Variants in KSR1 observed in about 807,000 individuals in gnomAD.
KSR1 encodes kinase suppressor of ras.
A neutral mutation model predicts 92.9 loss-of-function variants in KSR1; 35 were observed. That is an observed-to-expected ratio of 0.38 (90% CI 0.29 to 0.50). The LOEUF is 0.50. Among genes scored for constraint, KSR1 ranks in the 20% least tolerant of loss-of-function variants. The pLI is 0.94. For missense variants in KSR1, 972 were observed against 1,158.5 expected (o/e 0.84, Z 2.34); for synonymous variants, 467 against 472.6 (o/e 0.99, Z 0.15).
Position 27,623,841 on chromosome 17 carries a change from T to C in KSR1, c.*449T>C. 1 of 502,756 alleles carries C rather than the reference T, an allele frequency of 2.0e-6. No individual in the cohort carries two copies. Among genetic ancestry groups the C allele is most frequent in the East Asian group, 3.4e-5 (1 of 29,104 alleles). The allele number at this position is 502,756 out of a possible 1,614,324, so 31.1% of individuals were successfully genotyped here. ...GGTAGGGCGGGGAGCCCAGAAGGTC[T>C]GATCTGGCCTCTGCTTTTTGGCCCA... is the stretch of plus-strand genomic sequence containing the variant. On this transcript the variant is annotated 3_prime_UTR_variant, in exon 21 of 21. Coordinates refer to ENST00000644974, the MANE Select transcript of KSR1 (RefSeq NM_001394583.1).
At chr17:27,553,463 G>T (rs528999374) in intron 2 of KSR1, among the ~76,000 whole-genome samples, 2 of 152,286 alleles carry the variant, frequency 1.3e-5, no homozygotes, top group African/African-American at 4.8e-5. Flanking sequence ...ACAGAGCTGG[G>T]CCAAGTGTCC....
At chr17:27,502,521 T>C (rs932419555) in intron 1 of KSR1, among the ~76,000 whole-genome samples, 1 of 152,226 alleles carries the variant, frequency 6.6e-6, no homozygotes, top group African/African-American at 2.4e-5. Flanking sequence ...TCTCCTTCCA[T>C]TCTCTAGCCC....
At chr17:27,527,812 CAT>C (rs1300578705) in intron 1 of KSR1, among the ~76,000 whole-genome samples, 1 of 152,186 alleles carries the variant, frequency 6.6e-6, no homozygotes, top group Non-Finnish European at 1.5e-5. Context: ...CACAAATTTT[CAT>C]AGTTTCTTGA....
intron 1 of KSR1, among the ~76,000 whole-genome samples, chr17:27,463,680 A>G (rs2019553497): frequency 6.6e-6 from 1 of 152,110 alleles, no homozygotes; most frequent in Non-Finnish European, 1.5e-5. Context: ...TTGCTCCAAG[A>G]TAGCGGAGGG....
At chr17:27,607,845 GC>G in intron 14 of KSR1, 68 bp from the exon 15 acceptor site, 1 of 1,136,926 alleles carries the variant, frequency 8.8e-7, no homozygotes, top group Non-Finnish European at 1.3e-6. Context: ...CTCCCCATGG[GC>G]TCCACCAGGG....
At chr17:27,617,597 A>T in intron 19 of KSR1, 169 bp downstream of exon 19, 1 of 703,638 alleles carries the variant, frequency 1.4e-6, no homozygotes, top group Admixed American at 2.9e-5. Context: ...GCACGATCTC[A>T]GCTCACTGCA....
chr17:27,523,200 T>C (rs2070112668), intron 1 of KSR1, among the ~76,000 whole-genome samples: 1 of 152,126 alleles, frequency 6.6e-6, no homozygotes, highest in Non-Finnish European at 1.5e-5. Context: ...TTGGTGATGA[T>C]GAAAAACTAG....
At chr17:27,578,791 C>G (rs1039663069) in intron 3 of KSR1, 2 of 152,268 alleles carry the variant, frequency 1.3e-5, no homozygotes, top group Non-Finnish European at 2.9e-5. Context: ...GTCTACCTGT[C>G]CTAGATGCCA....
At chr17:27,463,753 T>A (rs1222072517) in intron 1 of KSR1, among the ~76,000 whole-genome samples, 1 of 152,234 alleles carries the variant, frequency 6.6e-6, no homozygotes, top group Non-Finnish European at 1.5e-5. Flanking sequence ...CATAATCATA[T>A]GGTGAGGTCT....
At chr17:27,550,485 G>A in intron 1 of KSR1, 83 bp from the exon 2 acceptor site, 1 of 727,942 alleles carries the variant, frequency 1.4e-6, no homozygotes, top group East Asian at 2.5e-5. Flanking sequence ...GTGTCTGCCT[G>A]AGCTCCTCTG....
At chr17:27,569,432 G>A (rs1011872969) in intron 2 of KSR1, among the ~76,000 whole-genome samples, 3 of 152,246 alleles carry the variant, frequency 2.0e-5, no homozygotes, top group Non-Finnish European at 4.4e-5. Context: ...GGGGTTAGGT[G>A]GGGAGGTGGG....
chr17:27,620,556 A>G (rs1462340067), intron 19 of KSR1, among the ~76,000 whole-genome samples: 1 of 152,164 alleles, frequency 6.6e-6, no homozygotes. Flanking sequence ...TAAAGCCCAG[A>G]TGGGGGCCTC....
At position 27,559,553 on chromosome 17, in the gene KSR1, G is replaced by C. The variant is rs920510501; in HGVS notation, c.372+8845G>C. Reference sequence around the variant, plus strand: ...TGAATTTTAATTTGAATAGACATCTGGCTATGACTGCATTGACCAGGGCCC... The same window carrying C: ...TGAATTTTAATTTGAATAGACATCTCGCTATGACTGCATTGACCAGGGCCC... On this transcript the variant is annotated intron_variant, in intron 2 of 20. Transcript: ENST00000644974. The surrounding 1 kb of genome is among the most constrained non-coding windows in gnomAD (Gnocchi z 4.2). 6.6e-6 allele frequency among the ~76,000 whole-genome samples: 1 copy of C among 152,232 alleles called. No homozygotes were observed. Among genetic ancestry groups the C allele is most frequent in the Non-Finnish European group, 1.5e-5 (1 of 68,046 alleles).
chr17:27,564,738 C>G (rs1195917920), intron 2 of KSR1, among the ~76,000 whole-genome samples: 4 of 36,656 alleles, frequency 1.1e-4, no homozygotes, highest in African/African-American at 7.1e-4. Flanking sequence ...GATGGAAGAC[C>G]CCCCCCCCCC....
chr17:27,515,174 A>C (rs935680876), intron 1 of KSR1, among the ~76,000 whole-genome samples: 1 of 152,232 alleles, frequency 6.6e-6, no homozygotes, highest in South Asian at 2.1e-4. Flanking sequence ...TCAGTAACTG[A>C]AACATTCTTG....
At chr17:27,568,079 G>A (rs1567836825) in intron 2 of KSR1, among the ~76,000 whole-genome samples, 2 of 152,244 alleles carry the variant, frequency 1.3e-5, no homozygotes, top group African/African-American at 4.8e-5. Context: ...TTTGATGCCT[G>A]TTACTGCTGT....
intron 1 of KSR1, among the ~76,000 whole-genome samples, chr17:27,493,494 C>A (rs189126145): frequency 4.6e-5 from 7 of 152,274 alleles, no homozygotes; most frequent in Admixed American, 3.3e-4. Context: ...GTGACCCTGC[C>A]CCGTGGTGCT....
At chr17:27,519,773 G>A (rs891773675) in intron 1 of KSR1, among the ~76,000 whole-genome samples, 4 of 152,224 alleles carry the variant, frequency 2.6e-5, no homozygotes, top group African/African-American at 9.7e-5. Flanking sequence ...GGGTTGTGGT[G>A]AGGGACCTAG....
intron 1 of KSR1, among the ~76,000 whole-genome samples, chr17:27,495,885 G>C (rs768507449): frequency 2.0e-5 from 3 of 152,158 alleles, no homozygotes; most frequent in African/African-American, 4.8e-5. Flanking sequence ...TAAAATTTGA[G>C]TGTTGCCCCT....
Sources: allele counts gnomAD v4.1 joint callset (sites outside exome capture counted in the v4.1 genomes callset), GRCh38; gene constraint gnomAD v4.1.1; non-coding constraint Gnocchi (gnomAD v3.1); transcripts MANE v1.5; gene names NCBI Gene and HGNC (gene_info 2026-07-23, HGNC 2026-07-21).